Variants in FAF1 observed in about 807,000 individuals in gnomAD.
FAF1 encodes FAS-associated factor 1.
FAF1 carries 25 observed loss-of-function variants against 92.5 expected under a neutral mutation model. The ratio of observed to expected loss-of-function variants is 0.27; its 90% CI spans 0.20 to 0.38. FAF1 has a LOEUF of 0.38. Ranked by LOEUF, FAF1 falls within the 10% of genes least tolerant of loss-of-function variation. The pLI, the probability that FAF1 is intolerant of heterozygous loss-of-function variation, is 1.00. For synonymous variants in FAF1, 234 were observed against 273.2 expected, an observed-to-expected ratio of 0.86 and a Z score of 1.42; for missense variants, 636 against 793.3, an observed-to-expected ratio of 0.80 and a Z score of 2.38.
intron 8 of FAF1, among the ~76,000 whole-genome samples, chr1:50,607,675 A>C (rs1335338188): frequency 6.6e-6 from 1 of 152,204 alleles, no homozygotes; most frequent in Non-Finnish European, 1.5e-5. Context: ...AACTCAGCTC[A>C]ATCTCTTTCT....
At chr1:50,596,947 T>C (rs1000119655) in intron 8 of FAF1, among the ~76,000 whole-genome samples, 3 of 152,144 alleles carry the variant, frequency 2.0e-5, no homozygotes, top group African/African-American at 7.2e-5. Context: ...CTTTGAAAAA[T>C]GTCTTGGGAA....
chr1:50,488,266 T>C (rs1292217772), intron 17 of FAF1, among the ~76,000 whole-genome samples: 1 of 152,190 alleles, frequency 6.6e-6, no homozygotes, highest in Non-Finnish European at 1.5e-5. Flanking sequence ...GGAATGCATA[T>C]ACTGAATTAT....
At chr1:50,646,254 T>TAC (rs946606078) in intron 8 of FAF1, among the ~76,000 whole-genome samples, 9 of 152,122 alleles carry the variant, frequency 5.9e-5, no homozygotes, top group East Asian at 1.9e-4. Flanking sequence ...CATACATATA[T>TAC]ACACACACAC....
At chr1:50,788,759 ACTCT>A (rs1410270525) in intron 3 of FAF1, among the ~76,000 whole-genome samples, 1 of 152,002 alleles carries the variant, frequency 6.6e-6, no homozygotes, top group Admixed American at 6.6e-5. Flanking sequence ...CCACATAAGC[ACTCT>A]CTCTTTCTCA....
intron 3 of FAF1, among the ~76,000 whole-genome samples, chr1:50,791,021 C>T (rs1445816929): frequency 1.3e-5 from 2 of 152,146 alleles, no homozygotes; most frequent in East Asian, 1.9e-4. Flanking sequence ...CATTGTAAAT[C>T]ATACTCCAAA....
At chr1:50,480,108 G>A (rs1646683745) in intron 17 of FAF1, among the ~76,000 whole-genome samples, 1 of 152,104 alleles carries the variant, frequency 6.6e-6, no homozygotes, top group Non-Finnish European at 1.5e-5. Flanking sequence ...AATAAAACAA[G>A]GAAACCTGGT....
At position 50,788,022 on chromosome 1, in the gene FAF1, T is replaced by C. The variant is rs775560229; in HGVS notation, c.345A>G (p.Val115=). ...VEYRDRNVDV[V]LEDTCTVGEI... ...TACCAACAGTACAGGTGTCTTCAAG[T>C]ACCACATCAACATTTCTGTCTCTGT... is the stretch of plus-strand genomic sequence containing the variant. The change falls in exon 4 of 19, where the codon GTA becomes GTG. Residue 115 remains valine (V), a synonymous_variant. Transcript: ENST00000396153. 6.2e-7 allele frequency: 1 copy of C among 1,613,960 alleles called. No individual in the cohort carries two copies. Among genetic ancestry groups the C allele is most frequent in the African/African-American group, 1.3e-5 (1 of 74,908 alleles).
At chr1:50,542,030 C>G (rs764894575) in intron 13 of FAF1, among the ~76,000 whole-genome samples, 1 of 152,086 alleles carries the variant, frequency 6.6e-6, no homozygotes, top group Non-Finnish European at 1.5e-5. Context: ...AAAACAACAA[C>G]AAAGTGATCA....
At chr1:50,752,973 T>C (rs1659928346) in intron 4 of FAF1, among the ~76,000 whole-genome samples, 1 of 152,204 alleles carries the variant, frequency 6.6e-6, no homozygotes, top group African/African-American at 2.4e-5. Flanking sequence ...TGTGAGCCAC[T>C]GCACCCAACC....
chr1:50,457,534 A>AT (rs1646368780), intron 18 of FAF1, among the ~76,000 whole-genome samples: 1 of 152,154 alleles, frequency 6.6e-6, no homozygotes, highest in South Asian at 2.1e-4. Context: ...AGAACTAACA[A>AT]TTTTTAATTT....
chr1:50,957,716 A>G (rs979419414), intron 1 of FAF1, among the ~76,000 whole-genome samples: 3 of 152,152 alleles, frequency 2.0e-5, no homozygotes, highest in Non-Finnish European at 4.4e-5. Flanking sequence ...GAGTACAAGA[A>G]GCCTAAATTT....
chr1:50,531,303 G>C (rs1648153382), intron 15 of FAF1, among the ~76,000 whole-genome samples: 1 of 152,060 alleles, frequency 6.6e-6, no homozygotes, highest in African/African-American at 2.4e-5. Context: ...CTTGCAAGCA[G>C]GATAGAGGAT....
chr1:50,876,131 G>C (rs537026338), intron 1 of FAF1, among the ~76,000 whole-genome samples: 2 of 152,154 alleles, frequency 1.3e-5, no homozygotes, highest in African/African-American at 4.8e-5. Flanking sequence ...AGAAAATAAA[G>C]GTATGCATTC....
intron 8 of FAF1, among the ~76,000 whole-genome samples, chr1:50,641,981 T>C (rs1654352648): frequency 6.6e-6 from 1 of 151,956 alleles, no homozygotes; most frequent in Non-Finnish European, 1.5e-5. Flanking sequence ...GACAGGTGGA[T>C]AGCCTGAGAT....
intron 6 of FAF1, among the ~76,000 whole-genome samples, chr1:50,712,384 G>C (rs955867027): frequency 6.6e-6 from 1 of 152,184 alleles, no homozygotes; most frequent in Non-Finnish European, 1.5e-5. Context: ...TGCTGGGCTT[G>C]GTAGCTCACA....
intron 8 of FAF1, among the ~76,000 whole-genome samples, chr1:50,640,829 ATT>A (rs71059592): frequency 1.1e-5 from 1 of 88,514 alleles, no homozygotes; most frequent in Non-Finnish European, 2.0e-5. Context: ...TTATCAGCTG[ATT>A]TTTTTTTTTT....
At position 50,475,540 on chromosome 1, in the gene FAF1, A is replaced by G; in HGVS notation, c.1793T>C (p.Ile598Thr). ...TTTGGAAGCTACAAAATCAAAGACA[A>G]TCTGGAGCTTGTTGCTGGCCAGGAA... ...RRFLASNKLQ[I>T]VFDFVASKGF... Residue 598 changes from isoleucine to threonine, a missense_variant, in exon 18 of 19, where the codon ATT (isoleucine) becomes ACT (threonine). Ile to Thr is a moderately conservative substitution (Grantham distance 89). Coordinates refer to ENST00000396153, the MANE Select transcript of FAF1 (RefSeq NM_007051.3). 6 of 1,614,166 alleles carry G rather than the reference A, an allele frequency of 3.7e-6. No homozygotes were observed. The highest frequency in any genetic ancestry group is 5.1e-6 in the Non-Finnish European group (6 of 1,179,994).
intron 9 of FAF1, among the ~76,000 whole-genome samples, chr1:50,585,761 C>T (rs1333102474): frequency 2.0e-5 from 3 of 151,644 alleles, no homozygotes; most frequent in African/African-American, 7.3e-5. Flanking sequence ...GAAACTGATC[C>T]TTCAGTCTAT....
chr1:50,582,464 C>G, intron 12 of FAF1, 154 bp downstream of exon 12: 1 of 596,596 alleles, frequency 1.7e-6, no homozygotes. Flanking sequence ...ATTAGCATGG[C>G]CCATGCACAA....
Sources: gnomAD v4.1 joint callset for allele counts (sites outside exome capture counted in the v4.1 genomes callset) on GRCh38, gnomAD v4.1.1 for gene constraint, MANE v1.5 for transcripts, NCBI Gene and HGNC (gene_info 2026-07-23, HGNC 2026-07-21) for gene names.